PEBP4: variants seen among roughly 807,000 people sequenced by gnomAD.
PEBP4 encodes phosphatidylethanolamine binding protein 4, also known as phosphatidylethanolamine-binding protein 4.
In PEBP4, 22 loss-of-function variants were observed where a neutral mutation model predicts 23.9. The observed-to-expected ratio is 0.92, with a 90% confidence interval of 0.66 to 1.31. The LOEUF is 1.31. Ranked by LOEUF, PEBP4 falls within the 40% of genes most tolerant of loss-of-function variation. The pLI, the probability that PEBP4 is intolerant of heterozygous loss-of-function variation, is 0.00. For synonymous variants in PEBP4, 112 were observed against 99.3 expected (o/e 1.13, Z -0.76); for missense variants, 324 against 281.7 (o/e 1.15, Z -1.07).
chr8:22,933,580 A>C (rs1809493740), intron 1 of PEBP4, among the ~76,000 whole-genome samples: 1 of 152,232 alleles, frequency 6.6e-6, no homozygotes, highest in Non-Finnish European at 1.5e-5. Context: ...TATCTTCCAA[A>C]ATATTAGTAA....
chr8:22,845,316 T>C (rs1357604841), intron 3 of PEBP4, among the ~76,000 whole-genome samples: 1 of 151,362 alleles, frequency 6.6e-6, no homozygotes, highest in Non-Finnish European at 1.5e-5. Flanking sequence ...GGAGGATCAC[T>C]TGAGCCCAGG....
chr8:22,892,351 T>A (rs545429831), intron 3 of PEBP4, among the ~76,000 whole-genome samples: 42 of 152,360 alleles, frequency 2.8e-4, no homozygotes, highest in African/African-American at 1.0e-3. Context: ...CACTGCTGTG[T>A]AGCATCACCA....
At chr8:22,860,641 T>G (rs140903252) in intron 3 of PEBP4, among the ~76,000 whole-genome samples, 1 of 152,204 alleles carries the variant, frequency 6.6e-6, no homozygotes, top group African/African-American at 2.4e-5. Context: ...TTTTTTGCCC[T>G]CTCAAAATCT....
intron 2 of PEBP4, chr8:22,925,373 C>T (rs954529935): frequency 8.5e-5 from 82 of 965,436 alleles, no homozygotes; most frequent in Non-Finnish European, 2.2e-5. Context: ...AGGGAAAGAG[C>T]GTGAGTGTGG....
chr8:22,911,163 C>T lies in PEBP4; in HGVS notation c.258+9021G>A, dbSNP rs904527735. 1.2e-4 allele frequency among the ~76,000 whole-genome samples: 19 copies of T among 152,146 alleles called. 1 individual carries two copies. The highest frequency in any genetic ancestry group is 1.6e-4 in the Non-Finnish European group (11 of 68,040). On this transcript the variant is annotated intron_variant, in intron 3 of 6. Transcript: ENST00000256404. The stretch of plus-strand genomic sequence containing the variant: ...AATTTTCCCTGATCTGTTGTTTCCT[C>T]GCCTGTAAAACAGAGACACTAATAC...
chr8:22,885,598 G>A (rs1473252921), intron 3 of PEBP4: 1 of 152,224 alleles, frequency 6.6e-6, no homozygotes, highest in African/African-American at 2.4e-5. Flanking sequence ...CCGTTTCAGT[G>A]TGAAAAAGCC....
chr8:22,742,849 C>G (rs1436914334), intron 4 of PEBP4, among the ~76,000 whole-genome samples: 1 of 152,226 alleles, frequency 6.6e-6, no homozygotes, highest in Non-Finnish European at 1.5e-5. Flanking sequence ...GGAGCTCCTG[C>G]TAGGTGCCAA....
chr8:22,887,269 C>T (rs1390395965), intron 3 of PEBP4: 3 of 152,032 alleles, frequency 2.0e-5, no homozygotes, highest in Non-Finnish European at 4.4e-5. Flanking sequence ...CTGCCTCAGC[C>T]TCCCGAGCAG....
chr8:22,853,494 C>T lies in PEBP4; in HGVS notation c.259-35759G>A, dbSNP rs182518087. On this transcript the variant is annotated intron_variant, in intron 3 of 6. Transcript: ENST00000256404. ...TCAAGCTGCTTAATATCTATTAGCT[C>T]AAAGCCCTGTGAAGTAAGTAGGAAG... 3.8e-3 allele frequency among the ~76,000 whole-genome samples: 585 copies of T among 152,336 alleles called. 2 individuals carry two copies. The highest frequency in any genetic ancestry group is 6.8e-3 in the Non-Finnish European group (462 of 68,034).
intron 3 of PEBP4, among the ~76,000 whole-genome samples, chr8:22,838,340 GT>G (rs959994072): frequency 4.6e-5 from 7 of 152,150 alleles, no homozygotes; most frequent in East Asian, 1.9e-4. Context: ...TAGGAAACAG[GT>G]TTTTTGGTTT....
At chr8:22,936,766 A>C (rs1187714731) in intron 1 of PEBP4, among the ~76,000 whole-genome samples, 2 of 152,236 alleles carry the variant, frequency 1.3e-5, no homozygotes, top group Non-Finnish European at 2.9e-5. Context: ...TAACCAAGTG[A>C]GATTTATTTC....
chr8:22,936,680 G>A (rs1202224116), intron 1 of PEBP4, among the ~76,000 whole-genome samples: 1 of 152,062 alleles, frequency 6.6e-6, no homozygotes, highest in Non-Finnish European at 1.5e-5. Flanking sequence ...ATATCCCTTA[G>A]AAACTCTGAT....
At position 22,920,084 on chromosome 8, in the gene PEBP4, TG is replaced by T. The variant is rs1434205390; in HGVS notation, c.258+99del. On this transcript the variant is annotated intron_variant, in intron 3 of 6. Transcript: ENST00000256404. ...CTGCAGCCACCAGACCCAACCCAGA[TG>T]GCTCTGCACGCAGCTTCAAGTCACC... 4.8e-6 allele frequency: 7 copies of T among 1,457,748 alleles called. No individual in the cohort carries two copies. The Admixed American group carries it at 7.4e-5, about 15-fold the overall frequency. The allele number at this position is 1,457,748 out of a possible 1,614,324, so 90.3% of individuals were successfully genotyped here. A position where few individuals can be genotyped will look rare whatever the true frequency, so the allele number is the denominator to read the frequency against.
In PEBP4 at chr8:22,865,601, G is replaced by A. The variant is rs1246598724; in HGVS notation, c.259-47866C>T. On this transcript the variant is annotated intron_variant, in intron 3 of 6. Transcript: ENST00000256404. This position sits in a 1 kb window ranked among gnomAD's most constrained non-coding sequence, Gnocchi z 6.9. ...GAATTCCCTCCGCCCGGGCGCACGC[G>A]GCCCCCCGCCCCCGCCCCATCCTGC... 2.0e-5 allele frequency among the ~76,000 whole-genome samples: 3 copies of A among 152,166 alleles called. No individual in the cohort carries two copies. The highest frequency in any genetic ancestry group is 2.9e-5 in the Non-Finnish European group (2 of 68,004).
intron 3 of PEBP4, among the ~76,000 whole-genome samples, chr8:22,893,153 T>A (rs1229703753): frequency 6.6e-6 from 1 of 152,166 alleles, no homozygotes; most frequent in East Asian, 1.9e-4. Context: ...TAAATTTGTA[T>A]TCCCACCAGG....
At chr8:22,850,379 G>A (rs1199914916) in intron 3 of PEBP4, among the ~76,000 whole-genome samples, 1 of 152,208 alleles carries the variant, frequency 6.6e-6, no homozygotes, top group African/African-American at 2.4e-5. Flanking sequence ...GGACTGAAGA[G>A]GGACTGGAAA....
intron 3 of PEBP4, among the ~76,000 whole-genome samples, chr8:22,899,648 T>C (rs1011534154): frequency 1.3e-5 from 2 of 152,174 alleles, no homozygotes; most frequent in East Asian, 1.9e-4. Context: ...TGGCTATGAC[T>C]CCTGGCTACT....
At chr8:22,920,345 G>A (rs985775739) in intron 2 of PEBP4, 35 bp from the exon 3 acceptor site, 1 of 1,590,732 alleles carries the variant, frequency 6.3e-7, no homozygotes, top group Admixed American at 1.7e-5. Flanking sequence ...CCTGTGTCAG[G>A]GTTTTAAGGG....
intron 3 of PEBP4, among the ~76,000 whole-genome samples, chr8:22,844,276 G>T (rs537810801): frequency 2.2e-4 from 33 of 152,300 alleles, no homozygotes; most frequent in Admixed American, 4.6e-4. Flanking sequence ...TTTCACTTTT[G>T]TTGCCCAGGC....
Sources: allele counts gnomAD v4.1 joint callset (sites outside exome capture counted in the v4.1 genomes callset), GRCh38; gene constraint gnomAD v4.1.1; non-coding constraint Gnocchi (gnomAD v3.1); transcripts MANE v1.5; gene names NCBI Gene and HGNC (gene_info 2026-07-23, HGNC 2026-07-21).